Variants in SVOP observed in about 807,000 individuals in gnomAD.
SVOP encodes the protein synaptic vesicle 2-related protein.
A neutral mutation model predicts 69.1 loss-of-function variants in SVOP; 17 were observed. The observed-to-expected ratio is 0.25, with a 90% CI of 0.17 to 0.37. The LOEUF is 0.37. Ranked by LOEUF, SVOP falls within the 10% of genes least tolerant of loss-of-function variation. SVOP has a pLI of 1.00. For synonymous variants in SVOP, 238 were observed against 238.6 expected, an observed-to-expected ratio of 1.00 and a Z score of 0.02; for missense variants, 435 against 597.5, an observed-to-expected ratio of 0.73 and a Z score of 2.84.
rs1261478653 is a variant in SVOP, at chr12:108,915,879, C to A, written c.1351-7G>T. ...GCGTTGCCGTGGGGTAGACCTGAAA[C>A]ACAGCAGCCGGATATAGGCATGGGG... is the stretch of plus-strand genomic sequence containing the variant. On this transcript the variant is annotated splice_polypyrimidine_tract_variant and splice_region_variant and intron_variant, in intron 14 of 15. Coordinates refer to ENST00000610966, the MANE Select transcript of SVOP (RefSeq NM_018711.5). The A allele has an allele frequency of 6.3e-7, 1 of 1,595,160 alleles. No individual in the cohort carries two copies.
At chr12:108,934,760 G>A (rs1332730305) in intron 10 of SVOP, among the ~76,000 whole-genome samples, 3 of 152,162 alleles carry the variant, frequency 2.0e-5, no homozygotes, top group Admixed American at 6.5e-5. Context: ...CACCAGTGCC[G>A]TTACAGTTTA....
intron 1 of SVOP, among the ~76,000 whole-genome samples, chr12:109,014,494 G>A (rs2040358184): frequency 1.3e-5 from 2 of 152,190 alleles, no homozygotes; most frequent in Non-Finnish European, 2.9e-5. Flanking sequence ...TAATGCTGCT[G>A]TGAACATAGA....
At chr12:108,950,668 A>C in intron 6 of SVOP, among the ~76,000 whole-genome samples, 1 of 152,124 alleles carries the variant, frequency 6.6e-6, no homozygotes, top group Admixed American at 6.5e-5. Context: ...TGCAGGCATG[A>C]GCCACCATGC....
intron 13 of SVOP, 61 bp from the exon 14 acceptor site, chr12:108,918,185 C>G (rs375022452): frequency 7.2e-7 from 1 of 1,392,042 alleles, no homozygotes; most frequent in Non-Finnish European, 9.8e-7. Context: ...TCAGCATAGT[C>G]CTATCTTCCC....
In SVOP at chr12:108,919,775, T is replaced by A; in HGVS notation, c.1168A>T (p.Thr390Ser). ...CCCAGGCGGTCAATAATCCACAGAG[T>A]CACAAGGACACCTGGAAGGGGAGTG... The part of the protein sequence containing the change: ...TLSEFPGVLV[T>S]LWIIDRLGRK... Residue 390 changes from threonine to serine, a missense_variant, in exon 13 of 16, where the codon ACT becomes TCT. Coordinates refer to ENST00000610966, the MANE Select transcript of SVOP (RefSeq NM_018711.5). The A allele has an allele frequency of 1.9e-6, 3 of 1,595,558 alleles. No homozygotes were observed. Among genetic ancestry groups the A allele is most frequent in the Non-Finnish European group, 2.6e-6 (3 of 1,171,212 alleles).
intron 1 of SVOP, among the ~76,000 whole-genome samples, chr12:109,017,215 C>T (rs1309436040): frequency 1.3e-5 from 2 of 152,030 alleles, no homozygotes; most frequent in African/African-American, 2.4e-5. Flanking sequence ...CAATCAGCAG[C>T]GGCATTAGAT....
intron 5 of SVOP, among the ~76,000 whole-genome samples, chr12:108,968,414 C>T (rs1420219635): frequency 1.3e-5 from 2 of 152,198 alleles, no homozygotes; most frequent in Non-Finnish European, 2.9e-5. Flanking sequence ...TTCTGGCATC[C>T]TCTAATAAAT....
intron 4 of SVOP, among the ~76,000 whole-genome samples, chr12:108,975,360 C>A (rs1340108768): frequency 6.6e-6 from 1 of 152,210 alleles, no homozygotes; most frequent in Non-Finnish European, 1.5e-5. Flanking sequence ...ACCCATGAGA[C>A]TTAATGGCTC....
intron 11 of SVOP, among the ~76,000 whole-genome samples, chr12:108,932,266 C>G (rs925295473): frequency 3.3e-5 from 5 of 152,104 alleles, no homozygotes; most frequent in African/African-American, 1.2e-4. Context: ...ATCCTCCTGC[C>G]TCTTCCTCCC....
chr12:108,993,033 C>A (rs2040211062), intron 1 of SVOP, among the ~76,000 whole-genome samples: 1 of 151,930 alleles, frequency 6.6e-6, no homozygotes, highest in South Asian at 2.1e-4. Context: ...ATAGCGAGAC[C>A]CCGTCTTTTA....
chr12:108,927,222 C>T (rs2039785967), intron 11 of SVOP, among the ~76,000 whole-genome samples: 1 of 152,122 alleles, frequency 6.6e-6, no homozygotes, highest in African/African-American at 2.4e-5. Context: ...GTAATATGGT[C>T]CTTTGTCTCT....
In SVOP at chr12:108,911,356, C is replaced by A. The variant is rs2039680746; in HGVS notation, c.*1179G>T. The A allele has an allele frequency of 6.6e-6, 1 of 152,160 alleles. No homozygotes were observed. Among genetic ancestry groups the A allele is most frequent in the African/African-American group, 2.4e-5 (1 of 41,410 alleles). The allele number at this position is 152,160 out of a possible 1,614,324, so 9.4% of individuals were successfully genotyped here. ...CAGCTGTCTACCCATGCACAAAACC[C>A]AAAGCCCTGGATTTTGGATTTTGTA... On this transcript the variant is annotated 3_prime_UTR_variant, in exon 16 of 16. Coordinates refer to ENST00000610966, the MANE Select transcript of SVOP (RefSeq NM_018711.5).
At chr12:109,010,475 G>A (rs992078172) in intron 1 of SVOP, among the ~76,000 whole-genome samples, 1 of 152,120 alleles carries the variant, frequency 6.6e-6, no homozygotes, top group African/African-American at 2.4e-5. Context: ...CTCTTTTCAA[G>A]GAGACTTTCT....
At chr12:109,012,930 A>T (rs999998276) in intron 1 of SVOP, among the ~76,000 whole-genome samples, 10 of 152,198 alleles carry the variant, frequency 6.6e-5, no homozygotes, top group African/African-American at 2.4e-4. Context: ...AGCCTGTCTT[A>T]AAAAAGGAAT....
chr12:108,915,746 C>T, intron 15 of SVOP, 37 bp downstream of exon 15: 3 of 1,559,588 alleles, frequency 1.9e-6, no homozygotes, highest in Non-Finnish European at 2.6e-6. Context: ...GGGGTTTTGT[C>T]ACCCCCCATC....
chr12:108,915,677 G>A (rs2039709107), intron 15 of SVOP, 106 bp downstream of exon 15: 1 of 1,169,704 alleles, frequency 8.5e-7, no homozygotes, highest in African/African-American at 1.6e-5. Context: ...GATAAAATGA[G>A]CGAATGCAAC....
At chr12:108,915,491 T>C (rs1257196368) in intron 15 of SVOP, among the ~76,000 whole-genome samples, 1 of 152,228 alleles carries the variant, frequency 6.6e-6, no homozygotes, top group African/African-American at 2.4e-5. Context: ...TCATCCACAT[T>C]GTTTTTAAGC....
At chr12:108,924,431 C>A (rs1339466003) in intron 11 of SVOP, among the ~76,000 whole-genome samples, 2 of 152,206 alleles carry the variant, frequency 1.3e-5, no homozygotes, top group African/African-American at 4.8e-5. Context: ...CATCTCCATC[C>A]TTCCAGTTGC....
chr12:108,982,879 TATCATC>T (rs1315936600), intron 2 of SVOP, among the ~76,000 whole-genome samples: 1 of 126,336 alleles, frequency 7.9e-6, no homozygotes, highest in Admixed American at 7.6e-5. Flanking sequence ...TCATCATCAC[TATCATC>T]ATCATCATCA....
Sources: allele counts gnomAD v4.1 joint callset (sites outside exome capture counted in the v4.1 genomes callset), GRCh38; gene constraint gnomAD v4.1.1; transcripts MANE v1.5; gene names NCBI Gene and HGNC (gene_info 2026-07-23, HGNC 2026-07-21).